The following VTI1A variants were observed in gnomAD, a reference collection of about 807,000 sequenced individuals.
VTI1A encodes the protein vesicle transport through interaction with t-SNAREs 1A.
A neutral mutation model predicts 34.9 loss-of-function variants in VTI1A; 22 were observed. The ratio of observed to expected loss-of-function variants is 0.63; its 90% CI spans 0.45 to 0.90. VTI1A has a LOEUF of 0.90. Among genes scored for constraint, VTI1A ranks in the 40% least tolerant of loss-of-function variants. The pLI, the probability that VTI1A is intolerant of heterozygous loss-of-function variation, is 0.00. For missense variants in VTI1A, 268 were observed against 275.6 expected (o/e 0.97, Z 0.20); for synonymous variants, 87 against 97.3 (o/e 0.89, Z 0.62).
At chr10:112,573,721 A>G (rs1589922064) in intron 5 of VTI1A, among the ~76,000 whole-genome samples, 1 of 152,238 alleles carries the variant, frequency 6.6e-6, no homozygotes, top group East Asian at 1.9e-4. Flanking sequence ...TAATGCATCA[A>G]AAATGCATGT....
chr10:112,525,332 G>A (rs1018336947), intron 3 of VTI1A, among the ~76,000 whole-genome samples: 2 of 152,148 alleles, frequency 1.3e-5, no homozygotes, highest in African/African-American at 4.8e-5. Flanking sequence ...GGGGTTTAGG[G>A]TGGAGACTCA....
intron 5 of VTI1A, among the ~76,000 whole-genome samples, chr10:112,620,846 T>G (rs1589983611): frequency 6.7e-6 from 1 of 149,790 alleles, no homozygotes; most frequent in African/African-American, 2.5e-5. Context: ...GGCCAAGAGA[T>G]AGGAGAATTC....
chr10:112,700,418 T>C (rs12412704), intron 7 of VTI1A, among the ~76,000 whole-genome samples: 23,874 of 152,260 alleles, frequency 0.16, 2,132 homozygotes, highest in Middle Eastern at 0.23. Context: ...CTCCAATCTA[T>C]TGAGCATGAA....
At chr10:112,763,474 A>G (rs892260806) in intron 7 of VTI1A, among the ~76,000 whole-genome samples, 3 of 150,296 alleles carry the variant, frequency 2.0e-5, no homozygotes, top group African/African-American at 7.3e-5. Context: ...GGCCTTTGTT[A>G]CAAGTCTGAT....
At position 112,541,420 on chromosome 10, in the gene VTI1A, G is replaced by A. The variant is rs187739785; in HGVS notation, c.427+3090G>A. Among the ~76,000 whole-genome samples, 3 of 152,008 alleles carry A rather than the reference G, an allele frequency of 2.0e-5. No individual in the cohort carries two copies. The East Asian group carries it at 5.8e-4, about 29-fold the overall frequency. On this transcript the variant is annotated intron_variant, in intron 5 of 7. Transcript: ENST00000393077. ...TAAAATAAGGTCATATATATTTAAG[G>A]GCTTAGAAACTAAAGAGAGCTCTGT...
At chr10:112,685,267 A>G (rs912777944) in intron 7 of VTI1A, among the ~76,000 whole-genome samples, 2 of 152,102 alleles carry the variant, frequency 1.3e-5, no homozygotes, top group East Asian at 1.9e-4. Context: ...TGTCAGGATC[A>G]TCCATGATTC....
chr10:112,697,005 G>A (rs775958350), intron 7 of VTI1A, among the ~76,000 whole-genome samples: 1 of 152,088 alleles, frequency 6.6e-6, no homozygotes, highest in African/African-American at 2.4e-5. Context: ...TGATTGGGAA[G>A]GCAATATTTT....
chr10:112,632,557 G>A (rs1846170745), intron 5 of VTI1A, among the ~76,000 whole-genome samples: 1 of 152,196 alleles, frequency 6.6e-6, no homozygotes, highest in African/African-American at 2.4e-5. Flanking sequence ...ACTCCACCAT[G>A]GGGATCGTTG....
At chr10:112,724,786 GAAAAAAAA>G (rs5787971) in intron 7 of VTI1A, among the ~76,000 whole-genome samples, 1 of 117,284 alleles carries the variant, frequency 8.5e-6, no homozygotes, top group Non-Finnish European at 1.9e-5. Flanking sequence ...CCCTTTTTTT[GAAAAAAAA>G]AAAAAGAAAA....
At chr10:112,638,735 AT>A (rs11420607) in intron 5 of VTI1A, among the ~76,000 whole-genome samples, 2,630 of 139,800 alleles carry the variant, frequency 0.019, 67 homozygotes, top group African/African-American at 0.062. Context: ...TATTTCTTTA[AT>A]TTTTTTTTTT....
At chr10:112,627,423 A>G (rs1038668029) in intron 5 of VTI1A, among the ~76,000 whole-genome samples, 5 of 152,188 alleles carry the variant, frequency 3.3e-5, no homozygotes, top group Non-Finnish European at 7.4e-5. Flanking sequence ...ATGTTTTATC[A>G]TACCTTAATT....
chr10:112,547,775 A>G (rs1055507187), intron 5 of VTI1A, among the ~76,000 whole-genome samples: 2 of 152,154 alleles, frequency 1.3e-5, no homozygotes, highest in African/African-American at 4.8e-5. Flanking sequence ...CTTTTAGAAA[A>G]TAAATTATTT....
At chr10:112,482,722 T>G (rs1848494877) in intron 3 of VTI1A, among the ~76,000 whole-genome samples, 1 of 152,198 alleles carries the variant, frequency 6.6e-6, no homozygotes, top group Non-Finnish European at 1.5e-5. Context: ...TTATAATAGA[T>G]TATGAGCAGT....
chr10:112,553,822 T>G (rs1851453158), intron 5 of VTI1A, among the ~76,000 whole-genome samples: 1 of 152,204 alleles, frequency 6.6e-6, no homozygotes, highest in African/African-American at 2.4e-5. Context: ...AATGACCACT[T>G]TCTAATACAA....
intron 7 of VTI1A, among the ~76,000 whole-genome samples, chr10:112,749,367 G>C (rs1590148666): frequency 6.6e-6 from 1 of 152,170 alleles, no homozygotes; most frequent in Non-Finnish European, 1.5e-5. Flanking sequence ...GAGGGTAGGG[G>C]GTGGAAAACG....
intron 5 of VTI1A, among the ~76,000 whole-genome samples, chr10:112,572,739 GA>G (rs775992314): frequency 8.9e-4 from 135 of 151,740 alleles, no homozygotes; most frequent in African/African-American, 2.7e-3. Flanking sequence ...TCGGGAGGCT[GA>G]AGGCAGGAGA....
chr10:112,669,446 T>C (rs1232052685), intron 7 of VTI1A, among the ~76,000 whole-genome samples: 2 of 152,198 alleles, frequency 1.3e-5, no homozygotes, highest in Non-Finnish European at 2.9e-5. Context: ...ATTTCCGTTT[T>C]ATGTATATAC....
chr10:112,546,970 ATG>A (rs1851155882), intron 5 of VTI1A, among the ~76,000 whole-genome samples: 1 of 152,086 alleles, frequency 6.6e-6, no homozygotes, highest in Non-Finnish European at 1.5e-5. Context: ...TTTCCATGCT[ATG>A]TTATTGTTAT....
At chr10:112,809,684 G>T (rs868562805) in intron 7 of VTI1A, among the ~76,000 whole-genome samples, 1 of 152,216 alleles carries the variant, frequency 6.6e-6, no homozygotes, top group Non-Finnish European at 1.5e-5. Flanking sequence ...CAATAACCAC[G>T]TGACCCTGAG....
Sources: allele counts gnomAD v4.1 joint callset (sites outside exome capture counted in the v4.1 genomes callset), GRCh38; gene constraint gnomAD v4.1.1; transcripts MANE v1.5; gene names NCBI Gene and HGNC (gene_info 2026-07-23, HGNC 2026-07-21).